The following MRPL37 variants were observed in gnomAD, a reference collection of about 807,000 sequenced individuals.
The protein encoded by MRPL37 is large ribosomal subunit protein mL37.
MRPL37 carries 34 observed loss-of-function variants against 44.1 expected under a neutral mutation model. The observed-to-expected ratio is 0.77, with a 90% confidence interval of 0.59 to 1.03. The LOEUF is 1.03. Among genes scored for constraint, MRPL37 ranks in the 50% least tolerant of loss-of-function variants. The pLI, the probability that MRPL37 is intolerant of heterozygous loss-of-function variation, is 0.00. For synonymous variants in MRPL37, 212 were observed against 219.5 expected (o/e 0.97, Z 0.30); for missense variants, 532 against 543.7 (o/e 0.98, Z 0.21).
Position 54,200,411 on chromosome 1 carries a change from G to A in MRPL37, c.168G>A (p.Glu56=). The change falls in exon 1 of 7, where the codon GAG becomes GAA. Residue 56 remains glutamate (E), a synonymous_variant. Coordinates refer to ENST00000360840, the MANE Select transcript of MRPL37 (RefSeq NM_016491.4). ...GGGTGTACGAGATCCCTGGACTGGA[G>A]CCCATCACCTTTGCGGGGAAGATGC... ...LDRVYEIPGL[E]PITFAGKMHF... The A allele has an allele frequency of 1.2e-6, 2 of 1,614,246 alleles. No individual in the cohort carries two copies. Among genetic ancestry groups the A allele is most frequent in the Non-Finnish European group, 1.7e-6 (2 of 1,180,050 alleles).
intron 1 of MRPL37, 66 bp downstream of exon 1, chr1:54,200,655 T>C: frequency 6.7e-7 from 1 of 1,491,866 alleles, no homozygotes; most frequent in Non-Finnish European, 9.0e-7. Flanking sequence ...CGACCCTCTG[T>C]GGCTTTGGGC....
intron 5 of MRPL37, among the ~76,000 whole-genome samples, chr1:54,214,029 A>G (rs1404623757): frequency 1.3e-5 from 2 of 152,210 alleles, no homozygotes; most frequent in East Asian, 3.8e-4. Context: ...CTAAAAATAC[A>G]AAGATTAGCT....
downstream of MRPL37, among the ~76,000 whole-genome samples, chr1:54,222,533 A>C (rs1363284700): frequency 6.6e-6 from 1 of 152,052 alleles, no homozygotes; most frequent in African/African-American, 2.4e-5. Flanking sequence ...CACTAGCAAG[A>C]AGCCCTCTCC....
downstream of MRPL37, among the ~76,000 whole-genome samples, chr1:54,221,911 C>T (rs1029250535): frequency 2.6e-5 from 4 of 152,160 alleles, no homozygotes; most frequent in Admixed American, 6.5e-5. Context: ...ACATGGTCCC[C>T]GCCCTCTGGG....
intron 3 of MRPL37, among the ~76,000 whole-genome samples, chr1:54,207,822 C>T (rs1041644987): frequency 2.6e-5 from 4 of 152,180 alleles, no homozygotes; most frequent in African/African-American, 7.2e-5. Flanking sequence ...CTTACCTATC[C>T]AGTAAGGGAG....
Position 54,217,658 on chromosome 1 carries a change from G to A in MRPL37, c.1195-514G>A, listed in dbSNP as rs35828314. ...GCTCACCCTTCCATGTATAAATGTCGGCAAGTCAGTCATTTCTTCCTGCTT... is the reference window on the plus strand; with the variant it reads ...GCTCACCCTTCCATGTATAAATGTCAGCAAGTCAGTCATTTCTTCCTGCTT... On this transcript the variant is annotated intron_variant, in intron 6 of 6. Coordinates refer to ENST00000360840, the MANE Select transcript of MRPL37 (RefSeq NM_016491.4). Among the ~76,000 whole-genome samples the A allele has an allele frequency of 7.7e-4, 117 of 152,026 alleles. 2 individuals are homozygous for A. The East Asian group carries it at 0.019, about 25-fold the overall frequency.
intron 5 of MRPL37, among the ~76,000 whole-genome samples, chr1:54,215,539 G>A (rs553173185): frequency 2.6e-5 from 4 of 152,286 alleles, no homozygotes; most frequent in South Asian, 2.1e-4. Flanking sequence ...GAGTTGCAGC[G>A]TCAGCATGAA....
chr1:54,224,924 AC>A (rs1644265102), downstream of MRPL37, among the ~76,000 whole-genome samples: 5 of 40,256 alleles, frequency 1.2e-4, no homozygotes, highest in Admixed American at 9.1e-4. Flanking sequence ...GGCTCCCAGT[AC>A]ACCTTGGAGG....
At chr1:54,220,222 G>T (rs971418119), downstream of MRPL37, among the ~76,000 whole-genome samples, 2 of 152,156 alleles carry the variant, frequency 1.3e-5, no homozygotes, top group Non-Finnish European at 2.9e-5. Context: ...ACTGCTTGGA[G>T]AGGAGGGAGG....
rs1644066988 is a variant in MRPL37, at chr1:54,200,254, C to T, written c.11C>T (p.Ala4Val). 6.3e-7 allele frequency: 1 copy of T among 1,588,078 alleles called. No individual in the cohort carries two copies. Among genetic ancestry groups the T allele is most frequent in the East Asian group, 2.2e-5 (1 of 44,646 alleles). Residue 4 changes from alanine to valine, a missense_variant, in exon 1 of 7, where the codon GCG (alanine) becomes GTG (valine). Ala to Val is a moderately conservative substitution (Grantham distance 64). Transcript: ENST00000360840. MAL[A>V]SGPARRALAG... Reference sequence around the variant, plus strand: ...GGCTATCAGATCGGTATGGCATTGGCGTCCGGGCCCGCAAGGCGGGCGCTA... The same window carrying T: ...GGCTATCAGATCGGTATGGCATTGGTGTCCGGGCCCGCAAGGCGGGCGCTA...
chr1:54,225,388 G>T (rs1245487950), downstream of MRPL37: 5 of 1,233,920 alleles, frequency 4.1e-6, no homozygotes, highest in African/African-American at 1.6e-5. Context: ...TGTAATCAGT[G>T]TAATAAACTC....
At chr1:54,225,063 G>T (rs1644267011), downstream of MRPL37, 2 of 1,231,790 alleles carry the variant, frequency 1.6e-6, no homozygotes. Context: ...TGGCCCTCCT[G>T]GCCGATAGCG....
chr1:54,200,202 A>C lies in MRPL37; in HGVS notation c.-42A>C. 6.6e-7 allele frequency: 1 copy of C among 1,504,696 alleles called. No homozygotes were observed. The highest frequency in any genetic ancestry group is 1.3e-5 in the South Asian group (1 of 75,852). The allele number at this position is 1,504,696 out of a possible 1,614,324, so 93.2% of individuals were successfully genotyped here. ...CCCAGCAGGCCCTGCGCGCGGCAAC[A>C]TGGCGGGGTCCAGGTGGAGGTCTTG... On this transcript the variant is annotated 5_prime_UTR_variant, in exon 1 of 7. An upstream start codon of the reference 5' UTR is lost. Coordinates refer to ENST00000360840, the MANE Select transcript of MRPL37 (RefSeq NM_016491.4).
At chr1:54,202,425 G>A (rs1644091545) in intron 1 of MRPL37, among the ~76,000 whole-genome samples, 1 of 152,124 alleles carries the variant, frequency 6.6e-6, no homozygotes, top group Admixed American at 6.5e-5. Context: ...TTGCCTGAGG[G>A]TGTCTCCCCC....
chr1:54,211,132 A>G (rs1481806679), intron 4 of MRPL37, among the ~76,000 whole-genome samples: 5 of 151,928 alleles, frequency 3.3e-5, no homozygotes, highest in Non-Finnish European at 7.4e-5. Context: ...CTAACTTGTC[A>G]TCTTTCACAG....
intron 1 of MRPL37, among the ~76,000 whole-genome samples, chr1:54,200,950 C>G (rs1644076366): frequency 6.6e-6 from 1 of 152,202 alleles, no homozygotes; most frequent in Non-Finnish European, 1.5e-5. Context: ...GTCTGACATT[C>G]TGGAGATTAA....
At position 54,212,557 on chromosome 1, in the gene MRPL37, G is replaced by T. The variant is rs1400982309; in HGVS notation, c.889G>T (p.Ala297Ser). 1.9e-6 allele frequency: 3 copies of T among 1,614,040 alleles called. No individual in the cohort carries two copies. The African/African-American group carries it at 4.0e-5, about 22-fold the overall frequency. ...CCATACCCTGTACTTACTGGACAAAGCCAATTTACGACCACACCGCCTTCA... is the reference window on the plus strand; with the variant it reads ...CCATACCCTGTACTTACTGGACAAATCCAATTTACGACCACACCGCCTTCA... Reference protein sequence around the residue: ...YPHTLYLLDKANLRPHRLQPD... With the variant: ...YPHTLYLLDKSNLRPHRLQPD... Residue 297 changes from alanine (A) to serine (S), a missense_variant, in exon 5 of 7, where the codon GCC (alanine) becomes TCC (serine). Transcript: ENST00000360840.
At chr1:54,205,234 T>C in intron 2 of MRPL37, 33 bp downstream of exon 2, 1 of 1,608,358 alleles carries the variant, frequency 6.2e-7, no homozygotes, top group Non-Finnish European at 8.5e-7. Context: ...GATTTCCTAC[T>C]AATGGATCTT....
chr1:54,208,311 G>T (rs1644138602), intron 3 of MRPL37, among the ~76,000 whole-genome samples: 1 of 152,110 alleles, frequency 6.6e-6, no homozygotes, highest in African/African-American at 2.4e-5. Context: ...GGGAGGCCAA[G>T]GTGGGTGGAT....
Sources: allele counts gnomAD v4.1 joint callset (sites outside exome capture counted in the v4.1 genomes callset), GRCh38; gene constraint gnomAD v4.1.1; transcripts MANE v1.5; gene names NCBI Gene and HGNC (gene_info 2026-07-23, HGNC 2026-07-21).